EXOC3: variants seen among roughly 807,000 people sequenced by gnomAD.
EXOC3 encodes the protein exocyst complex component 3.
Under a neutral mutation model 73.7 loss-of-function variants are expected in EXOC3, and 21 were observed. The observed-to-expected ratio is 0.29, with a 90% CI of 0.20 to 0.41. The LOEUF (loss-of-function observed/expected upper bound fraction) is 0.41. EXOC3 is among the 10% of genes least tolerant of loss of function. EXOC3 has a pLI of 1.00. For synonymous variants in EXOC3, 410 were observed against 389.1 expected, an observed-to-expected ratio of 1.05 and a Z score of -0.63; for missense variants, 842 against 985.1, an observed-to-expected ratio of 0.85 and a Z score of 1.95.
intron 4 of EXOC3, among the ~76,000 whole-genome samples, chr5:456,205 C>T (rs766591896): frequency 6.6e-6 from 1 of 152,162 alleles, no homozygotes; most frequent in Non-Finnish European, 1.5e-5. Context: ...AGTGTTTGCA[C>T]GTAACCTGCG....
rs186299011 is a variant in EXOC3, at chr5:447,692, G to T, written c.304G>T (p.Ala102Ser). Residue 102 changes from alanine (A) to serine (S), a missense_variant, in exon 3 of 13, where the codon GCC (alanine) becomes TCC (serine). Physicochemically the swap from Ala to Ser is moderately conservative, Grantham distance 99. Transcript: ENST00000512944. ...TIESLKDVKDAVVQHSQLAAA... is the reference protein window; with the variant it reads ...TIESLKDVKDSVVQHSQLAAA... ...TGAGAGCCTCAAGGACGTCAAAGAC[G>T]CCGTGGTGCAGCACAGCCAGCTCGC... 6 of 1,591,254 alleles carry T rather than the reference G, an allele frequency of 3.8e-6. No homozygotes were observed. Among genetic ancestry groups the T allele is most frequent in the Non-Finnish European group, 5.1e-6 (6 of 1,168,552 alleles).
chr5:454,617 T>C (rs2672757), intron 4 of EXOC3, among the ~76,000 whole-genome samples: 85,568 of 152,134 alleles, frequency 0.56, 25,110 homozygotes, highest in African/African-American at 0.75. Context: ...TAGTACGAGG[T>C]TTTGTCACTT....
Position 446,362 on chromosome 5 carries a change from G to T in EXOC3, c.144+13G>T. On this transcript the variant is annotated intron_variant, in intron 2 of 12. Transcript: ENST00000512944. ...GGCCAGATTGAAGGTGAGGCCACCT[G>T]CCCCACTCCCAGGATCTGTCTTGGG... is the stretch of plus-strand genomic sequence containing the variant. 2 of 1,582,312 alleles carry T rather than the reference G, an allele frequency of 1.3e-6. No homozygotes were observed. The highest frequency in any genetic ancestry group is 2.0e-4 in the Middle Eastern group (1 of 5,050).
chr5:446,798 G>A (rs779276303), intron 2 of EXOC3, among the ~76,000 whole-genome samples: 9 of 151,818 alleles, frequency 5.9e-5, no homozygotes, highest in Non-Finnish European at 1.0e-4. Context: ...CAGAGGTTGC[G>A]GTGAGCCGAG....
rs1738108358 is a variant in EXOC3 at position 465,263 on chromosome 5, GCTGGCGTCC to G, written c.1930_1938del (p.Leu644_Ser646del). On this transcript the variant is annotated inframe_deletion and splice_region_variant, in exon 11 of 13. Transcript: ENST00000512944. The stretch of plus-strand genomic sequence containing the variant: ...AGCAGCTGCGCTTCCTGTTCCGGAA[GCTGGCGTCC>G]GTGAGTGTCGCGCAGGTCCGGGCTG... The G allele has an allele frequency of 6.3e-7, 1 of 1,582,152 alleles. No individual in the cohort carries two copies. Among genetic ancestry groups the G allele is most frequent in the African/African-American group, 1.3e-5 (1 of 74,282 alleles).
intron 10 of EXOC3, chr5:464,841 A>G (rs1304153984): frequency 1.9e-6 from 1 of 532,662 alleles, no homozygotes; most frequent in Non-Finnish European, 3.3e-6. Flanking sequence ...CTGTCTGTGG[A>G]CCGAGTGCTC....
chr5:458,278 G>A (rs1474515573), intron 6 of EXOC3, among the ~76,000 whole-genome samples: 1 of 152,202 alleles, frequency 6.6e-6, no homozygotes, highest in Non-Finnish European at 1.5e-5. Flanking sequence ...GTCTTTATGG[G>A]TTTGGACTAC....
At chr5:457,531 CTG>C (rs1737858624) in intron 5 of EXOC3, 3 of 235,040 alleles carry the variant, frequency 1.3e-5, no homozygotes, top group Non-Finnish European at 2.5e-5. Context: ...GGGACGTGAG[CTG>C]CTGTGGTTGC....
chr5:467,076 A>C lies in EXOC3; in HGVS notation c.*178A>C. 1.6e-6 allele frequency: 1 copy of C among 636,390 alleles called. No individual in the cohort carries two copies. Among genetic ancestry groups the C allele is most frequent in the Admixed American group, 2.9e-5 (1 of 34,506 alleles). The allele number at this position is 636,390 out of a possible 1,614,324, so 39.4% of individuals were successfully genotyped here. On this transcript the variant is annotated 3_prime_UTR_variant, in exon 13 of 13. Transcript: ENST00000512944. Reference sequence around the variant, plus strand: ...GTGAGCGTCCCGAGGCCACGTGCGGAGGCCCCTCACTGTGCTGTCAAAGGC... The same window carrying C: ...GTGAGCGTCCCGAGGCCACGTGCGGCGGCCCCTCACTGTGCTGTCAAAGGC...
chr5:458,071 A>T, intron 6 of EXOC3, 46 bp downstream of exon 6: 4 of 1,592,996 alleles, frequency 2.5e-6, no homozygotes, highest in Non-Finnish European at 3.4e-6. Context: ...CTAGGTGGAT[A>T]GTGGGACCTG....
rs774864931 is a variant in EXOC3, at chr5:453,690, C to T, written c.685C>T (p.Arg229Trp). ...GAAAATTGACAGGCGCATACTTGAC[C>T]GGAAAAAGCAAACTGGCTTTGTTCC... Reference protein sequence around the residue: ...EEKIDRRILDRKKQTGFVPPG... With the variant: ...EEKIDRRILDWKKQTGFVPPG... Residue 229 changes from arginine to tryptophan, a missense_variant, in exon 4 of 13, where the codon CGG becomes TGG. Physicochemically the swap from Arg to Trp is moderately radical, Grantham distance 101 (BLOSUM62 -3). Transcript: ENST00000512944. 6 of 1,613,862 alleles carry T rather than the reference C, an allele frequency of 3.7e-6. No homozygotes were observed. The highest frequency in any genetic ancestry group is 5.1e-6 in the Non-Finnish European group (6 of 1,179,888).
At chr5:459,257 A>G (rs1045957089) in intron 6 of EXOC3, 102 bp from the exon 7 acceptor site, 1 of 458,728 alleles carries the variant, frequency 2.2e-6, no homozygotes, top group Non-Finnish European at 3.8e-6. Flanking sequence ...GGACTATCCT[A>G]AATGCCAGTT....
intron 2 of EXOC3, chr5:447,265 G>C: frequency 2.5e-6 from 1 of 393,586 alleles, no homozygotes; most frequent in South Asian, 3.6e-5. Context: ...GGATCACCAG[G>C]TGTGAGGCTA....
rs140543567 is a variant in EXOC3, at chr5:456,732, C to T, written c.1047-157C>T. Among the ~76,000 whole-genome samples, 229 of 152,200 alleles carry T rather than the reference C, an allele frequency of 1.5e-3. 1 individual carries two copies. Among genetic ancestry groups the T allele is most frequent in the South Asian group, 9.6e-3 (46 of 4,812 alleles). On this transcript the variant is annotated intron_variant, in intron 4 of 12. Coordinates refer to ENST00000512944, the MANE Select transcript of EXOC3 (RefSeq NM_007277.5). The stretch of plus-strand genomic sequence containing the variant: ...ACAGAGACCCCAAAGCCCTCGGCCC[C>T]TGCCCTGCACTTTCCCCTGAGCTGT...
rs1737388095 is a variant in EXOC3 at position 443,245 on chromosome 5, G to GTA, written c.-102_-101insTA. The stretch of plus-strand genomic sequence containing the variant: ...GGGCGGCGGGGGCGGCGGCGGCGGC[G>GTA]GCGGCGGCGGCGGCGGCGGCGGCGG... On this transcript the variant is annotated 5_prime_UTR_variant, in exon 1 of 13. Coordinates refer to ENST00000512944, the MANE Select transcript of EXOC3 (RefSeq NM_007277.5). 3.6e-4 allele frequency: 2 copies of GTA among 5,578 alleles called. No individual in the cohort carries two copies. Among genetic ancestry groups the GTA allele is most frequent in the Non-Finnish European group, 1.0e-3 (2 of 1,986 alleles). The allele number at this position is 5,578 out of a possible 1,614,324, so 0.3% of individuals were successfully genotyped here.
At chr5:451,699 C>T (rs958116089) in intron 3 of EXOC3, among the ~76,000 whole-genome samples, 2 of 152,212 alleles carry the variant, frequency 1.3e-5, no homozygotes, top group Non-Finnish European at 2.9e-5. Context: ...TCTTTCTTCT[C>T]AACCAGTGGG....
intron 10 of EXOC3, 138 bp from the exon 11 acceptor site, chr5:464,973 C>T: frequency 4.5e-6 from 4 of 898,848 alleles, no homozygotes; most frequent in South Asian, 1.8e-5. Context: ...CGGTGAGATG[C>T]CAGAGCCGTG....
intron 3 of EXOC3, among the ~76,000 whole-genome samples, chr5:451,479 A>C (rs1737657565): frequency 6.6e-6 from 1 of 152,236 alleles, no homozygotes; most frequent in Non-Finnish European, 1.5e-5. Flanking sequence ...TTACAGTATT[A>C]GTAGCTTTTA....
intron 7 of EXOC3, chr5:461,612 C>CA (rs34450970): frequency 0.025 from 4,856 of 196,136 alleles, 101 homozygotes; most frequent in Admixed American, 0.056. Context: ...GACTCTATCT[C>CA]AAAAAAAAAA....
Sources: gnomAD v4.1 joint callset for allele counts (sites outside exome capture counted in the v4.1 genomes callset) on GRCh38, gnomAD v4.1.1 for gene constraint, MANE v1.5 for transcripts, NCBI Gene and HGNC (gene_info 2026-07-23, HGNC 2026-07-21) for gene names.